The following CDH18 variants were observed in gnomAD, a reference collection of about 807,000 sequenced individuals.
CDH18 encodes the protein cadherin-18.
Under a neutral mutation model 67.9 loss-of-function variants are expected in CDH18, and 31 were observed. The observed-to-expected ratio is 0.46, with a 90% CI of 0.34 to 0.62. The LOEUF (loss-of-function observed/expected upper bound fraction) is 0.62. CDH18 is among the 20% of genes least tolerant of loss of function. The pLI, the probability that CDH18 is intolerant of heterozygous loss-of-function variation, is 0.01. For missense variants in CDH18, 890 were observed against 975.5 expected (o/e 0.91, Z 1.17); for synonymous variants, 362 against 347.2 (o/e 1.04, Z -0.48).
chr5:19,560,867 C>G (rs1739331379), intron 8 of CDH18, among the ~76,000 whole-genome samples: 1 of 151,846 alleles, frequency 6.6e-6, no homozygotes, highest in South Asian at 2.1e-4. Flanking sequence ...AGATAATTCT[C>G]AAAAGAAGAT....
chr5:19,589,629 C>A (rs1391357493), intron 7 of CDH18, among the ~76,000 whole-genome samples: 1 of 152,098 alleles, frequency 6.6e-6, no homozygotes, highest in Non-Finnish European at 1.5e-5. Flanking sequence ...CTTAATTCAG[C>A]AATCAGAAAT....
Position 19,680,625 on chromosome 5 carries a change from G to A in CDH18, c.643+40722C>T, listed in dbSNP as rs965180764. Among the ~76,000 whole-genome samples, 8 of 151,838 alleles carry A rather than the reference G, an allele frequency of 5.3e-5. No individual in the cohort carries two copies. In the South Asian group the frequency reaches 1.5e-3, roughly 28 times the overall value. On this transcript the variant is annotated intron_variant, in intron 5 of 12. Coordinates refer to ENST00000382275, the MANE Select transcript of CDH18 (RefSeq NM_004934.5). ...CAAAGGATGTGAACAGATACTTTTCGAAAGAGGACATACATGTGGCCAACA... is the reference window on the plus strand; with the variant it reads ...CAAAGGATGTGAACAGATACTTTTCAAAAGAGGACATACATGTGGCCAACA...
At chr5:20,498,754 G>A (rs753415086) in intron 1 of CDH18, among the ~76,000 whole-genome samples, 1 of 151,964 alleles carries the variant, frequency 6.6e-6, no homozygotes, top group Non-Finnish European at 1.5e-5. Flanking sequence ...GATAATTAAA[G>A]TGAGCTTGTA....
chr5:20,187,307 G>A (rs538240905), intron 2 of CDH18, among the ~76,000 whole-genome samples: 54 of 151,782 alleles, frequency 3.6e-4, no homozygotes, highest in Middle Eastern at 3.4e-3. Flanking sequence ...ACAAGAATAA[G>A]AATAAACTAT....
intron 1 of CDH18, among the ~76,000 whole-genome samples, chr5:20,281,016 T>C (rs1404717401): frequency 6.6e-6 from 1 of 152,230 alleles, no homozygotes; most frequent in Non-Finnish European, 1.5e-5. Flanking sequence ...TTTTGAGAAG[T>C]GTCTGTTCCT....
intron 1 of CDH18, among the ~76,000 whole-genome samples, chr5:20,374,667 A>T (rs1370115399): frequency 6.6e-6 from 1 of 152,214 alleles, no homozygotes; most frequent in Admixed American, 6.5e-5. Context: ...AGATCTGCTA[A>T]GTTGAACAAA....
At chr5:19,964,326 A>T in intron 2 of CDH18, among the ~76,000 whole-genome samples, 1 of 151,852 alleles carries the variant, frequency 6.6e-6, no homozygotes, top group Non-Finnish European at 1.5e-5. Flanking sequence ...CATTCCTGTA[A>T]TCCCAGCATT....
At chr5:19,623,742 G>C (rs1215197911) in intron 5 of CDH18, among the ~76,000 whole-genome samples, 3 of 151,286 alleles carry the variant, frequency 2.0e-5, no homozygotes, top group Admixed American at 1.3e-4. Context: ...ACTATATTTA[G>C]AGTCATATAA....
intron 1 of CDH18, among the ~76,000 whole-genome samples, chr5:20,397,979 A>G (rs1172002006): frequency 6.6e-6 from 1 of 152,208 alleles, no homozygotes; most frequent in Non-Finnish European, 1.5e-5. Flanking sequence ...ATTAATTTAA[A>G]TTGAATAAAG....
chr5:20,534,455 T>C (rs868137058), intron 1 of CDH18, among the ~76,000 whole-genome samples: 7 of 152,054 alleles, frequency 4.6e-5, no homozygotes, highest in Non-Finnish European at 8.8e-5. Context: ...AATGTAGAGA[T>C]ACAAAACACA....
At chr5:20,571,527 G>A (rs1450012611) in intron 1 of CDH18, among the ~76,000 whole-genome samples, 1 of 152,054 alleles carries the variant, frequency 6.6e-6, no homozygotes, top group East Asian at 1.9e-4. Context: ...CCAGTAGATG[G>A]GGAATGATTT....
rs567338441 is a variant in CDH18, at chr5:20,268,793, GA to G, written c.-579-13289del. ...TAGAAGTACTGGAAGAAAACCTAGG[GA>G]AAACTCTTCTGGACATTGGCCTAGG... On this transcript the variant is annotated intron_variant, in intron 1 of 14. Transcript: ENST00000507958. Among the ~76,000 whole-genome samples the G allele has an allele frequency of 1.0e-3, 154 of 152,198 alleles. 1 individual carries two copies. Among genetic ancestry groups the G allele is most frequent in the African/African-American group, 3.6e-3 (148 of 41,540 alleles).
At chr5:20,001,968 T>C (rs543734989) in intron 2 of CDH18, among the ~76,000 whole-genome samples, 1 of 152,192 alleles carries the variant, frequency 6.6e-6, no homozygotes, top group South Asian at 2.1e-4. Flanking sequence ...TCTCTGTCTA[T>C]CTAAAGATTC....
chr5:20,566,490 G>T (rs1360067576), intron 1 of CDH18, among the ~76,000 whole-genome samples: 1 of 146,290 alleles, frequency 6.8e-6, no homozygotes, highest in Non-Finnish European at 1.5e-5. Flanking sequence ...CTCCCAAGTA[G>T]CTGGGAATAC....
At chr5:20,248,519 C>G (rs1743560813) in intron 2 of CDH18, among the ~76,000 whole-genome samples, 1 of 152,184 alleles carries the variant, frequency 6.6e-6, no homozygotes, top group Non-Finnish European at 1.5e-5. Flanking sequence ...TTGAGGGCCA[C>G]TTTTCTCATA....
At chr5:19,745,084 T>G (rs558786511) in intron 4 of CDH18, among the ~76,000 whole-genome samples, 38 of 152,318 alleles carry the variant, frequency 2.5e-4, no homozygotes, top group African/African-American at 9.1e-4. Context: ...TCTCTAAATC[T>G]CCTTTCTTTT....
chr5:20,116,548 T>C (rs975008467), intron 2 of CDH18, among the ~76,000 whole-genome samples: 3 of 152,036 alleles, frequency 2.0e-5, no homozygotes, highest in Non-Finnish European at 4.4e-5. Context: ...TCATTTTCAA[T>C]GGAATTATGA....
At chr5:19,851,221 A>T (rs562085305) in intron 2 of CDH18, among the ~76,000 whole-genome samples, 1 of 151,934 alleles carries the variant, frequency 6.6e-6, no homozygotes, top group Admixed American at 6.6e-5. Flanking sequence ...TTTCCAGCTG[A>T]TATAACTTTG....
intron 1 of CDH18, among the ~76,000 whole-genome samples, chr5:20,508,357 A>G (rs889447150): frequency 3.2e-5 from 3 of 92,780 alleles, no homozygotes; most frequent in African/African-American, 1.0e-4. Flanking sequence ...ATATATATAT[A>G]TATATATATG....
Sources: allele counts gnomAD v4.1 joint callset (sites outside exome capture counted in the v4.1 genomes callset), GRCh38; gene constraint gnomAD v4.1.1; transcripts MANE v1.5; gene names NCBI Gene and HGNC (gene_info 2026-07-23, HGNC 2026-07-21).